Variants in GREM2 observed in about 807,000 individuals in gnomAD.
GREM2 encodes the protein gremlin-2.
GREM2 carries 11 observed loss-of-function variants against 14.2 expected under a neutral mutation model. The ratio of observed to expected loss-of-function variants is 0.78; its 90% CI spans 0.49 to 1.28. The LOEUF is 1.28. Ranked by LOEUF, GREM2 falls within the 50% of genes most tolerant of loss-of-function variation. The pLI is 0.00. For missense variants in GREM2, 210 were observed against 218.5 expected, an observed-to-expected ratio of 0.96 and a Z score of 0.24; for synonymous variants, 98 against 97.6, an observed-to-expected ratio of 1.00 and a Z score of -0.02.
intron 1 of GREM2, among the ~76,000 whole-genome samples, chr1:240,559,230 A>G (rs1678999241): frequency 6.6e-6 from 1 of 152,154 alleles, no homozygotes; most frequent in Non-Finnish European, 1.5e-5. Flanking sequence ...ATAACCTCAT[A>G]CATTGGCTTA....
At chr1:240,510,129 G>A (rs1416347026) in intron 1 of GREM2, among the ~76,000 whole-genome samples, 1 of 152,086 alleles carries the variant, frequency 6.6e-6, no homozygotes, top group Non-Finnish European at 1.5e-5. Context: ...CAGCACTTTG[G>A]GAGGCCGAGG....
intron 1 of GREM2, among the ~76,000 whole-genome samples, chr1:240,498,508 G>A (rs1488781257): frequency 6.6e-6 from 1 of 152,168 alleles, no homozygotes; most frequent in Non-Finnish European, 1.5e-5. Context: ...TCAGGCAGTT[G>A]AGCCAGCAAC....
intron 1 of GREM2, among the ~76,000 whole-genome samples, chr1:240,600,342 T>C (rs1401831879): frequency 6.6e-6 from 1 of 152,160 alleles, no homozygotes; most frequent in African/African-American, 2.4e-5. Flanking sequence ...ACAGTGTAAA[T>C]TTCCCAGACC....
At chr1:240,557,567 T>C (rs1424099436) in intron 1 of GREM2, among the ~76,000 whole-genome samples, 1 of 152,188 alleles carries the variant, frequency 6.6e-6, no homozygotes, top group Non-Finnish European at 1.5e-5. Context: ...GAAATTATCT[T>C]CCAAATAATG....
At chr1:240,609,808 T>C (rs541392856) in intron 1 of GREM2, among the ~76,000 whole-genome samples, 1 of 152,298 alleles carries the variant, frequency 6.6e-6, no homozygotes, top group East Asian at 1.9e-4. Flanking sequence ...GAGAGTCTAA[T>C]ACCATTCCTT....
chr1:240,609,787 C>A (rs1680098226), intron 1 of GREM2, among the ~76,000 whole-genome samples: 1 of 152,114 alleles, frequency 6.6e-6, no homozygotes, highest in South Asian at 2.1e-4. Flanking sequence ...CTCTCCATAT[C>A]AATAAGAACT....
chr1:240,574,459 G>A (rs758613956), intron 1 of GREM2, among the ~76,000 whole-genome samples: 1 of 152,116 alleles, frequency 6.6e-6, no homozygotes, highest in Non-Finnish European at 1.5e-5. Context: ...CATGGGTGTA[G>A]GTCGTAGAAG....
At chr1:240,520,887 T>C (rs1678068644) in intron 1 of GREM2, among the ~76,000 whole-genome samples, 1 of 150,372 alleles carries the variant, frequency 6.7e-6, no homozygotes. Flanking sequence ...AAGGTTTTTT[T>C]GGTATGATAT....
chr1:240,590,314 G>T (rs1198807538), intron 1 of GREM2, among the ~76,000 whole-genome samples: 1 of 152,022 alleles, frequency 6.6e-6, no homozygotes, highest in Non-Finnish European at 1.5e-5. Context: ...ACCTCAAATT[G>T]TTCCACTGTC....
At chr1:240,510,092 G>A (rs550797245) in intron 1 of GREM2, among the ~76,000 whole-genome samples, 148 of 152,210 alleles carry the variant, frequency 9.7e-4, no homozygotes, top group Non-Finnish European at 1.7e-3. Context: ...ATGGTAGGCC[G>A]GGTGCGGTGG....
intron 1 of GREM2, among the ~76,000 whole-genome samples, chr1:240,514,313 G>A (rs1360199592): frequency 3.3e-5 from 5 of 151,312 alleles, no homozygotes; most frequent in Non-Finnish European, 7.4e-5. Context: ...TCCATTAGAG[G>A]TGAGACTGGA....
At position 240,493,250 on chromosome 1, in the gene GREM2, G is replaced by C. The variant is rs142343894; in HGVS notation, c.226C>G (p.Gln76Glu). The C allele has an allele frequency of 2.7e-3, 4,433 of 1,614,122 alleles. 10 individuals carry two copies. The highest frequency in any genetic ancestry group is 3.4e-3 in the Non-Finnish European group (3,975 of 1,180,028). Reference protein sequence around the residue: ...KYLKSDWCKTQPLRQTVSEEG... With the variant: ...KYLKSDWCKTEPLRQTVSEEG... ...TCGCTCACCGTCTGCCGCAGCGGCT[G>C]CGTCTTGCACCAGTCACTCTTGAGG... Residue 76 changes from glutamine to glutamate, a missense_variant, in exon 2 of 2, where the codon CAG becomes GAG. By Grantham distance (29) the Gln-to-Glu change is conservative. Transcript: ENST00000318160.
intron 1 of GREM2, among the ~76,000 whole-genome samples, chr1:240,598,586 C>T (rs1679863626): frequency 6.6e-6 from 1 of 152,158 alleles, no homozygotes; most frequent in Non-Finnish European, 1.5e-5. Context: ...AAGAATAGAG[C>T]TCAGGAGTTT....
At chr1:240,546,315 G>A (rs1053106670) in intron 1 of GREM2, among the ~76,000 whole-genome samples, 9 of 150,172 alleles carry the variant, frequency 6.0e-5, no homozygotes, top group African/African-American at 2.2e-4. Flanking sequence ...CTCCAGCCTG[G>A]TTGACAGAGT....
At chr1:240,544,887 T>A (rs895314021) in intron 1 of GREM2, among the ~76,000 whole-genome samples, 2 of 152,206 alleles carry the variant, frequency 1.3e-5, no homozygotes, top group African/African-American at 4.8e-5. Context: ...AGTTATATAG[T>A]TCTCAAAGTT....
intron 1 of GREM2, among the ~76,000 whole-genome samples, chr1:240,579,816 G>C (rs748861172): frequency 6.6e-6 from 1 of 152,190 alleles, no homozygotes; most frequent in African/African-American, 2.4e-5. Context: ...GCATTTCTGG[G>C]GGAGAGAAGG....
At chr1:240,580,352 C>T (rs16840409) in intron 1 of GREM2, among the ~76,000 whole-genome samples, 1,798 of 152,234 alleles carry the variant, frequency 0.012, 33 homozygotes, top group African/African-American at 0.041. Flanking sequence ...CTGTTCTTAA[C>T]CAGTTTACAA....
At chr1:240,512,272 T>C (rs1054010217) in intron 1 of GREM2, among the ~76,000 whole-genome samples, 1 of 152,194 alleles carries the variant, frequency 6.6e-6, no homozygotes, top group African/African-American at 2.4e-5. Flanking sequence ...AAACTTCTAA[T>C]AGTGTGTTAA....
chr1:240,534,680 G>A (rs552356496), intron 1 of GREM2, among the ~76,000 whole-genome samples: 9 of 138,866 alleles, frequency 6.5e-5, no homozygotes, highest in African/African-American at 1.9e-4. Context: ...GCGACAGAGC[G>A]AGACTCCATC....
Sources: allele counts gnomAD v4.1 joint callset (sites outside exome capture counted in the v4.1 genomes callset), GRCh38; gene constraint gnomAD v4.1.1; transcripts MANE v1.5; gene names NCBI Gene and HGNC (gene_info 2026-07-23, HGNC 2026-07-21).